Variants in TUBGCP6 observed in about 807,000 individuals in gnomAD.
TUBGCP6 encodes tubulin gamma complex component 6.
A neutral mutation model predicts 175.8 loss-of-function variants in TUBGCP6; 161 were observed. That is an observed-to-expected ratio of 0.92 (90% CI 0.81 to 1.04). The LOEUF (loss-of-function observed/expected upper bound fraction) is 1.04. Among genes scored for constraint, TUBGCP6 ranks in the 50% least tolerant of loss-of-function variants. The pLI is 0.00. For missense variants in TUBGCP6, 2,572 were observed against 2,433.0 expected (o/e 1.06, Z -1.20); for synonymous variants, 1,173 against 1,030.5 (o/e 1.14, Z -2.65).
rs368915008 is a variant in TUBGCP6 at position 50,244,978 on chromosome 22, G to A, written c.-519C>T. On this transcript the variant is annotated 5_prime_UTR_variant, in exon 1 of 25. Transcript: ENST00000248846. Reference sequence around the variant, plus strand: ...GGCCTCACCCGTGGAAAGTGCCCACGGCTGCCGCTCTCGCCGCCTCCGTCG... The same window carrying A: ...GGCCTCACCCGTGGAAAGTGCCCACAGCTGCCGCTCTCGCCGCCTCCGTCG... The A allele has an allele frequency of 4.5e-5, 10 of 224,450 alleles. No homozygotes were observed. The highest frequency in any genetic ancestry group is 3.2e-4 in the Admixed American group (6 of 18,762). 13.9% of individuals were successfully genotyped at this position (224,450 alleles called of 1,614,324 possible). A position where few individuals can be genotyped will look rare whatever the true frequency, so the allele number is the denominator to read the frequency against.
chr22:50,230,733 T>G (rs540533493), intron 3 of TUBGCP6, among the ~76,000 whole-genome samples: 1 of 147,844 alleles, frequency 6.8e-6, no homozygotes, highest in East Asian at 2.0e-4. Context: ...GAGTCATGTT[T>G]GAGCCATTGC....
intron 1 of TUBGCP6, among the ~76,000 whole-genome samples, chr22:50,242,745 G>A (rs866716591): frequency 2.7e-4 from 41 of 152,238 alleles, no homozygotes; most frequent in African/African-American, 8.9e-4. Context: ...TTTGCCACAC[G>A]TGGCTACTGA....
chr22:50,224,159 T>C lies in TUBGCP6; in HGVS notation c.2252A>G (p.Glu751Gly). The C allele has an allele frequency of 6.2e-7, 1 of 1,613,550 alleles. No homozygotes were observed. Among genetic ancestry groups the C allele is most frequent in the Non-Finnish European group, 8.5e-7 (1 of 1,179,912 alleles). Residue 751 changes from glutamate to glycine, a missense_variant, in exon 13 of 25, where the codon GAG (glutamate) becomes GGG (glycine). Coordinates refer to ENST00000248846, the MANE Select transcript of TUBGCP6 (RefSeq NM_020461.4). The part of the protein sequence containing the change: ...RERRLKSLEE[E>G]LERKARQALV... ...GCCCTACCTCGCCTTCCTCTCCAGC[T>C]CCTCCTCCAGGGACTTCAGCCTTCT... is the stretch of plus-strand genomic sequence containing the variant.
chr22:50,233,761 TC>T (rs2064724312), intron 2 of TUBGCP6, among the ~76,000 whole-genome samples: 1 of 152,086 alleles, frequency 6.6e-6, no homozygotes, highest in African/African-American at 2.4e-5. Flanking sequence ...TGGAAAGTGT[TC>T]CAGGGCACCT....
At position 50,217,802 on chromosome 22, in the gene TUBGCP6, G is replaced by A; in HGVS notation, c.5394C>T (p.Gly1798=). 2 of 1,613,980 alleles carry A rather than the reference G, an allele frequency of 1.2e-6. No individual in the cohort carries two copies. The highest frequency in any genetic ancestry group is 1.7e-6 in the Non-Finnish European group (2 of 1,180,022). ...FKVVTKLVNR[G]YQPHLEDFLL... is the part of the protein sequence containing the mutation. ...GAAAGTCCTCCAGGTGGGGCTGGTA[G>A]CCGCGGTTCACCAGCTTGGTCACCA... Residue 1798 remains glycine (G), a synonymous_variant, in exon 25 of 25, where the codon GGC becomes GGT. Transcript: ENST00000248846.
intron 18 of TUBGCP6, 24 bp downstream of exon 18, chr22:50,219,620 G>C (rs893700793): frequency 3.7e-6 from 6 of 1,609,336 alleles, no homozygotes; most frequent in African/African-American, 1.3e-5. Flanking sequence ...AGGGCTCCCT[G>C]CCAACAGCAA....
At chr22:50,220,048 G>C in intron 16 of TUBGCP6, 33 bp from the exon 17 acceptor site, 2 of 1,609,266 alleles carry the variant, frequency 1.2e-6, no homozygotes, top group South Asian at 2.2e-5. Flanking sequence ...GAGGGCATCA[G>C]GGCCGAGTGC....
At position 50,218,913 on chromosome 22, in the gene TUBGCP6, ACCAC is replaced by A; in HGVS notation, c.4627-20_4627-17del. Reference sequence around the variant, plus strand: ...CAGCTCCAAGCTAGGCAGAAAAGGGACCACCGTCCCCAGGAGTCCCAAGCACATG... The same window carrying A: ...CAGCTCCAAGCTAGGCAGAAAAGGGACGTCCCCAGGAGTCCCAAGCACATG... On this transcript the variant is annotated splice_polypyrimidine_tract_variant and intron_variant, in intron 20 of 24. Coordinates refer to ENST00000248846, the MANE Select transcript of TUBGCP6 (RefSeq NM_020461.4). The A allele has an allele frequency of 8.1e-6, 13 of 1,602,552 alleles. No individual in the cohort carries two copies. The highest frequency in any genetic ancestry group is 1.1e-5 in the Non-Finnish European group (13 of 1,173,866).
At chr22:50,222,867 G>A (rs1289209698) in intron 13 of TUBGCP6, 9 of 432,894 alleles carry the variant, frequency 2.1e-5, no homozygotes, top group Non-Finnish European at 3.8e-5. Flanking sequence ...ATGAGATCCT[G>A]TGTGGCCTGA....
chr22:50,237,130 C>T (rs1050037654), intron 2 of TUBGCP6, among the ~76,000 whole-genome samples: 2 of 152,244 alleles, frequency 1.3e-5, no homozygotes, highest in African/African-American at 4.8e-5. Flanking sequence ...AGGCCTCCCT[C>T]CGCCTTAACC....
intron 13 of TUBGCP6, 171 bp downstream of exon 13, chr22:50,223,970 G>A (rs1356809733): frequency 3.2e-6 from 2 of 629,944 alleles, no homozygotes; most frequent in African/African-American, 3.7e-5. Context: ...AAGGATGCCT[G>A]GATAAGGCAG....
chr22:50,241,059 CAAG>C (rs1359578443), intron 1 of TUBGCP6, among the ~76,000 whole-genome samples: 7 of 152,194 alleles, frequency 4.6e-5, no homozygotes, highest in Non-Finnish European at 8.8e-5. Context: ...ATATATAGAA[CAAG>C]AATAGTTACA....
intron 17 of TUBGCP6, 60 bp from the exon 18 acceptor site, chr22:50,219,851 T>C: frequency 6.2e-7 from 1 of 1,603,478 alleles, no homozygotes; most frequent in East Asian, 2.2e-5. Context: ...ACAACCAGCT[T>C]GTGCCAAAAA....
intron 13 of TUBGCP6, chr22:50,223,829 C>G (rs1427228454): frequency 5.9e-6 from 1 of 170,662 alleles, no homozygotes; most frequent in East Asian, 1.3e-4. Context: ...AGACCAATAA[C>G]AGACTTAAAA....
intron 2 of TUBGCP6, among the ~76,000 whole-genome samples, chr22:50,236,725 C>T (rs913655570): frequency 2.6e-5 from 4 of 152,194 alleles, no homozygotes; most frequent in Non-Finnish European, 5.9e-5. Context: ...GGACCCCAGA[C>T]GCCTGCCCAG....
In TUBGCP6 at chr22:50,243,837, C is replaced by T; in HGVS notation, c.623G>A (p.Arg208Lys). 3 of 1,613,758 alleles carry T rather than the reference C, an allele frequency of 1.9e-6. No homozygotes were observed. The highest frequency in any genetic ancestry group is 2.5e-6 in the Non-Finnish European group (3 of 1,180,020). ...FGDPCGDRFERDTRVSLFGAL... is the reference protein window; with the variant it reads ...FGDPCGDRFEKDTRVSLFGAL... Reference sequence around the variant, plus strand: ...CCCGAAGAGCGAGACCCGGGTGTCTCTCTCGAACCTGTCACCACAAGGGTC... The same window carrying T: ...CCCGAAGAGCGAGACCCGGGTGTCTTTCTCGAACCTGTCACCACAAGGGTC... The change falls in exon 1 of 25, where the codon AGA (arginine) becomes AAA (lysine). Residue 208 changes from arginine to lysine, a missense_variant. Physicochemically the swap from Arg to Lys is conservative, Grantham distance 26. Transcript: ENST00000248846.
Position 50,244,064 on chromosome 22 carries a change from G to C in TUBGCP6, c.396C>G (p.Tyr132Ter). The C allele has an allele frequency of 1.2e-6, 2 of 1,614,040 alleles. No homozygotes were observed. The highest frequency in any genetic ancestry group is 1.7e-6 in the Non-Finnish European group (2 of 1,180,036). The part of the protein sequence containing the change: ...PPQVLPRKRD[Y>*]FLNNKHVGRN... ...TCCCCACATGCTTGTTGTTAAGGAAGTAGTCTCGTTTTCTCGGCAGAACTT... is the reference window on the plus strand; with the variant it reads ...TCCCCACATGCTTGTTGTTAAGGAACTAGTCTCGTTTTCTCGGCAGAACTT... The change falls in exon 1 of 25, where the codon TAC (tyrosine) becomes TAG (stop). Residue 132 changes from tyrosine to a stop codon, truncating the protein, a stop_gained. Coordinates refer to ENST00000248846, the MANE Select transcript of TUBGCP6 (RefSeq NM_020461.4). LOFTEE classifies it high-confidence loss of function.
intron 2 of TUBGCP6, 43 bp downstream of exon 2, chr22:50,240,161 A>G (rs760439450): frequency 5.6e-6 from 9 of 1,611,306 alleles, no homozygotes; most frequent in Non-Finnish European, 8.5e-7. Flanking sequence ...ACGCTCATGC[A>G]GGGGTAGGGG....
chr22:50,233,665 G>C (rs1461635920), intron 2 of TUBGCP6, 139 bp from the exon 3 acceptor site: 2 of 847,526 alleles, frequency 2.4e-6, no homozygotes, highest in Non-Finnish European at 3.7e-6. Flanking sequence ...ACATAGCCAG[G>C]TATGAATGTC....
Sources: gnomAD v4.1 joint callset for allele counts (sites outside exome capture counted in the v4.1 genomes callset) on GRCh38, gnomAD v4.1.1 for gene constraint, MANE v1.5 for transcripts, NCBI Gene and HGNC (gene_info 2026-07-23, HGNC 2026-07-21) for gene names.